TVP23A: variants seen among roughly 807,000 people sequenced by gnomAD.
TVP23A encodes trans-golgi network vesicle protein 23 homolog A.
Under a neutral mutation model 31.7 loss-of-function variants are expected in TVP23A, and 21 were observed. That is an observed-to-expected ratio of 0.66 (90% CI 0.47 to 0.95). The LOEUF is 0.95. Among genes scored for constraint, TVP23A ranks in the 40% least tolerant of loss-of-function variants. TVP23A has a pLI of 0.00. For synonymous variants in TVP23A, 104 were observed against 96.0 expected, an observed-to-expected ratio of 1.08 and a Z score of -0.49; for missense variants, 279 against 255.6, an observed-to-expected ratio of 1.09 and a Z score of -0.62.
In TVP23A at chr16:10,818,584, T is replaced by C; in HGVS notation, c.-91A>G. ...GGGTCGGACGCCGGGCGGGCGGATG[T>C]AGGCAGCAGACGGTGGACGCTGAGG... is the stretch of plus-strand genomic sequence containing the variant. On this transcript the variant is annotated 5_prime_UTR_variant, in exon 1 of 8. Coordinates refer to ENST00000299866, the MANE Select transcript of TVP23A (RefSeq NM_001079512.4). The surrounding 1 kb of genome is among the most constrained non-coding windows in gnomAD (Gnocchi z 4.7). The C allele has an allele frequency of 6.7e-7, 1 of 1,491,884 alleles. No homozygotes were observed. Among genetic ancestry groups the C allele is most frequent in the Non-Finnish European group, 9.0e-7 (1 of 1,116,678 alleles). 92.4% of individuals were successfully genotyped at this position (1,491,884 alleles called of 1,614,324 possible).
downstream of TVP23A, chr16:10,757,914 G>C: frequency 6.2e-7 from 1 of 1,614,064 alleles, no homozygotes; most frequent in Non-Finnish European, 8.5e-7. This position sits in a 1 kb window ranked among gnomAD's most constrained non-coding sequence, Gnocchi z 4.1. Flanking sequence ...CTGGGGAGAG[G>C]TCGACTACCT....
In TVP23A at chr16:10,768,307, AT is replaced by A. The variant is rs2031198992; in HGVS notation, c.*794del. The A allele has an allele frequency of 5.0e-6, 1 of 200,046 alleles. No individual in the cohort carries two copies. The highest frequency in any genetic ancestry group is 9.4e-6 in the Non-Finnish European group (1 of 106,802). 12.4% of individuals were successfully genotyped at this position (200,046 alleles called of 1,614,324 possible). ...AGTAATTCATTTTTAAAAGTAACTGATAAAAAAAAAAAAGGCCAGGTGCAGT... is the reference window on the plus strand; with the variant it reads ...AGTAATTCATTTTTAAAAGTAACTGAAAAAAAAAAAAAGGCCAGGTGCAGT... On this transcript the variant is annotated 3_prime_UTR_variant, in exon 8 of 8. Transcript: ENST00000299866. The surrounding 1 kb of genome is among the most constrained non-coding windows in gnomAD (Gnocchi z 4.3).
At chr16:10,778,250 C>T (rs943782612) in intron 2 of TVP23A, among the ~76,000 whole-genome samples, 3 of 152,086 alleles carry the variant, frequency 2.0e-5, no homozygotes, top group African/African-American at 7.2e-5. Context: ...AGGAGAATCG[C>T]TTGAACCTGG....
chr16:10,805,263 C>G (rs1397739596), intron 2 of TVP23A, among the ~76,000 whole-genome samples: 3 of 152,032 alleles, frequency 2.0e-5, no homozygotes, highest in Non-Finnish European at 4.4e-5. Flanking sequence ...AACTCCTAAC[C>G]TCAAGTGATC....
chr16:10,803,400 G>A (rs1460115389), intron 2 of TVP23A, among the ~76,000 whole-genome samples: 1 of 152,144 alleles, frequency 6.6e-6, no homozygotes, highest in African/African-American at 2.4e-5. Context: ...TCTACCAGGT[G>A]GAGGGCCAGG....
intron 2 of TVP23A, among the ~76,000 whole-genome samples, chr16:10,815,054 G>A (rs1406542675): frequency 6.6e-6 from 1 of 151,980 alleles, no homozygotes; most frequent in Admixed American, 6.6e-5. Flanking sequence ...CTCCTTCTCT[G>A]GCCAGGATAG....
At chr16:10,815,387 G>T (rs183597309) in intron 2 of TVP23A, among the ~76,000 whole-genome samples, 215 of 152,272 alleles carry the variant, frequency 1.4e-3, no homozygotes, top group African/African-American at 4.9e-3. Flanking sequence ...GCTCCAGCGT[G>T]GGTGACAGTG....
rs1215997387 is a variant in TVP23A at position 10,772,456 on chromosome 16, G to A, written c.454-658C>T. ...ACGATCTTGGCTCACTGCAACCTCCGCCTCCTGGGTTCAAGCGATTCTCCT... is the reference window on the plus strand; with the variant it reads ...ACGATCTTGGCTCACTGCAACCTCCACCTCCTGGGTTCAAGCGATTCTCCT... On this transcript the variant is annotated intron_variant, in intron 5 of 7. Transcript: ENST00000299866. Among the ~76,000 whole-genome samples, 14 of 152,098 alleles carry A rather than the reference G, an allele frequency of 9.2e-5. No individual in the cohort carries two copies. In the East Asian group the frequency reaches 2.1e-3, roughly 23 times the overall value.
At chr16:10,774,625 T>TC (rs1287170063) in intron 3 of TVP23A, among the ~76,000 whole-genome samples, 35 of 150,274 alleles carry the variant, frequency 2.3e-4, no homozygotes, top group South Asian at 1.5e-3. Context: ...TTTTTTTTTT[T>TC]CCGAGACAGA....
chr16:10,775,179 T>TG (rs1596501047), intron 2 of TVP23A, 83 bp from the exon 3 acceptor site: 1 of 1,517,950 alleles, frequency 6.6e-7, no homozygotes, highest in African/African-American at 1.4e-5. Flanking sequence ...CAGACTTTGC[T>TG]GGGGGTGTTA....
At chr16:10,809,053 CA>C (rs1286963127) in intron 2 of TVP23A, among the ~76,000 whole-genome samples, 4 of 152,170 alleles carry the variant, frequency 2.6e-5, no homozygotes, top group African/African-American at 9.7e-5. Flanking sequence ...CATGCCTCTG[CA>C]CAGCCCAGGA....
At chr16:10,793,149 C>T (rs1357162020) in intron 2 of TVP23A, among the ~76,000 whole-genome samples, 1 of 152,070 alleles carries the variant, frequency 6.6e-6, no homozygotes, top group Admixed American at 6.6e-5. Flanking sequence ...ATTAGCCAGG[C>T]ATCGTGGCAC....
intron 3 of TVP23A, among the ~76,000 whole-genome samples, chr16:10,774,644 CTT>C (rs1046888990): frequency 2.8e-5 from 4 of 142,252 alleles, no homozygotes; most frequent in Non-Finnish European, 6.0e-5. Context: ...GAGTTTGACT[CTT>C]GTCACCCAGG....
chr16:10,786,312 G>A (rs1354385209), intron 2 of TVP23A, among the ~76,000 whole-genome samples: 1 of 152,130 alleles, frequency 6.6e-6, no homozygotes, highest in Non-Finnish European at 1.5e-5. Flanking sequence ...AGTGGCTTAG[G>A]CCTGTAATCT....
downstream of TVP23A, chr16:10,761,696 G>A: frequency 1.6e-6 from 2 of 1,273,102 alleles, no homozygotes; most frequent in Non-Finnish European, 2.2e-6. Context: ...TTTAAAATGT[G>A]GTCCATCCTT....
intron 2 of TVP23A, among the ~76,000 whole-genome samples, chr16:10,791,327 T>G (rs2142991127): frequency 6.6e-6 from 1 of 152,340 alleles, no homozygotes; most frequent in Admixed American, 6.5e-5. Context: ...TACACTCAGG[T>G]GGCTTCTCTG....
chr16:10,761,471 C>G (rs1339049874), exon 9 of TVP23A: 1 of 1,613,210 alleles, frequency 6.2e-7, no homozygotes, highest in Non-Finnish European at 8.5e-7. Context: ...GTCCTAAGTG[C>G]AAGGTGAGGG....
chr16:10,761,780 C>T (rs1208884848), downstream of TVP23A: 78 of 1,613,896 alleles, frequency 4.8e-5, no homozygotes, highest in Non-Finnish European at 6.1e-5. Flanking sequence ...TATTCCCTCC[C>T]ACAACCGGGG....
At chr16:10,817,207 A>G (rs1047856411) in intron 2 of TVP23A, among the ~76,000 whole-genome samples, 1 of 152,262 alleles carries the variant, frequency 6.6e-6, no homozygotes, top group Admixed American at 6.5e-5. Context: ...CTTTTGTCTT[A>G]AGCCAAGATG....
Sources: gnomAD v4.1 joint callset for allele counts (sites outside exome capture counted in the v4.1 genomes callset) on GRCh38, gnomAD v4.1.1 for gene constraint, Gnocchi (gnomAD v3.1) non-coding constraint, MANE v1.5 for transcripts, NCBI Gene and HGNC (gene_info 2026-07-23, HGNC 2026-07-21) for gene names.